The following ADGRB3 variants were observed in gnomAD, a reference collection of about 807,000 sequenced individuals.
The protein encoded by ADGRB3 is brain-specific angiogenesis inhibitor 3.
ADGRB3 carries 37 observed loss-of-function variants against 193.4 expected under a neutral mutation model. The ratio of observed to expected loss-of-function variants is 0.19; its 90% CI spans 0.15 to 0.25. The LOEUF is 0.25. Ranked by LOEUF, ADGRB3 falls within the 10% of genes least tolerant of loss-of-function variation. The probability of loss-of-function intolerance (pLI) is 1.00; values close to 1 mark genes in which losing one functional copy is unlikely to be tolerated. For missense variants in ADGRB3, 1,637 were observed against 1,852.9 expected (o/e 0.88, Z 2.14); for synonymous variants, 690 against 644.2 (o/e 1.07, Z -1.08).
At chr6:68,946,976 T>G (rs1767790774) in intron 6 of ADGRB3, among the ~76,000 whole-genome samples, 1 of 152,108 alleles carries the variant, frequency 6.6e-6, no homozygotes, top group African/African-American at 2.4e-5. Context: ...CTCCCACTTC[T>G]TTTGAGGTGA....
intron 5 of ADGRB3, among the ~76,000 whole-genome samples, chr6:68,941,290 T>C (rs964431595): frequency 2.0e-5 from 3 of 152,302 alleles, no homozygotes; most frequent in Middle Eastern, 3.4e-3. Flanking sequence ...AATTTTCTAC[T>C]AACTCAATAG....
chr6:69,315,548 G>A (rs1369442053), intron 20 of ADGRB3, among the ~76,000 whole-genome samples: 1 of 151,336 alleles, frequency 6.6e-6, no homozygotes, highest in Non-Finnish European at 1.5e-5. Flanking sequence ...TAGTCTGCAA[G>A]AACTGTGGTC....
chr6:68,674,530 A>C (rs892856043), intron 3 of ADGRB3, among the ~76,000 whole-genome samples: 1 of 152,194 alleles, frequency 6.6e-6, no homozygotes, highest in African/African-American at 2.4e-5. Flanking sequence ...TACAAAGGAA[A>C]TGTTAGAAGA....
intron 26 of ADGRB3, among the ~76,000 whole-genome samples, chr6:69,345,721 T>C (rs954058502): frequency 2.6e-5 from 4 of 151,976 alleles, no homozygotes; most frequent in African/African-American, 9.7e-5. Flanking sequence ...CTCTCACCAC[T>C]CCTATTCAAC....
At chr6:68,794,049 A>C (rs936641846) in intron 3 of ADGRB3, among the ~76,000 whole-genome samples, 1 of 152,152 alleles carries the variant, frequency 6.6e-6, no homozygotes, top group African/African-American at 2.4e-5. Context: ...AAATGTTAAA[A>C]ATTTCCTGTG....
chr6:68,847,956 G>A (rs1464395155), intron 3 of ADGRB3, among the ~76,000 whole-genome samples: 1 of 150,982 alleles, frequency 6.6e-6, no homozygotes, highest in Non-Finnish European at 1.5e-5. Context: ...TATCAACTAA[G>A]TACAAATTTA....
intron 20 of ADGRB3, among the ~76,000 whole-genome samples, chr6:69,258,136 A>G (rs539925013): frequency 2.6e-5 from 4 of 152,358 alleles, no homozygotes; most frequent in African/African-American, 9.6e-5. Flanking sequence ...ATGAAATGGT[A>G]TTCGCAGAGA....
chr6:68,954,085 A>C (rs1318446103), intron 6 of ADGRB3, among the ~76,000 whole-genome samples: 1 of 152,170 alleles, frequency 6.6e-6, no homozygotes, highest in Non-Finnish European at 1.5e-5. Context: ...TGCCTTTGTC[A>C]ATGCTGACTT....
intron 26 of ADGRB3, among the ~76,000 whole-genome samples, chr6:69,348,258 T>C (rs922986929): frequency 2.0e-5 from 3 of 152,046 alleles, no homozygotes; most frequent in African/African-American, 4.8e-5. Context: ...ATCAAACCAT[T>C]GCTTGCTGTT....
intron 20 of ADGRB3, among the ~76,000 whole-genome samples, chr6:69,265,210 G>A (rs1767013394): frequency 6.6e-6 from 1 of 151,892 alleles, no homozygotes; most frequent in Non-Finnish European, 1.5e-5. Context: ...GTGAGTTCAG[G>A]GAACCAGAGT....
chr6:68,776,751 A>T (rs867298602), intron 3 of ADGRB3, among the ~76,000 whole-genome samples: 1 of 152,214 alleles, frequency 6.6e-6, no homozygotes, highest in Non-Finnish European at 1.5e-5. Context: ...ATTGCAGATT[A>T]TAGTGGGTAT....
chr6:69,285,463 G>T (rs1767527856), intron 20 of ADGRB3, among the ~76,000 whole-genome samples: 1 of 152,024 alleles, frequency 6.6e-6, no homozygotes, highest in East Asian at 1.9e-4. Flanking sequence ...GGAGGATCAG[G>T]AGTTCGAGAC....
intron 20 of ADGRB3, among the ~76,000 whole-genome samples, chr6:69,304,423 A>G (rs1432838128): frequency 2.0e-5 from 3 of 151,578 alleles, no homozygotes; most frequent in Non-Finnish European, 2.9e-5. Context: ...TTTCCTGTAT[A>G]TTTCTCAAAG....
At chr6:69,241,019 G>A (rs1214366295) in intron 20 of ADGRB3, among the ~76,000 whole-genome samples, 2 of 150,072 alleles carry the variant, frequency 1.3e-5, no homozygotes, top group African/African-American at 4.9e-5. Context: ...ACACTCTTGA[G>A]TTATACCTCC....
chr6:68,644,121 A>G (rs543785797), intron 3 of ADGRB3, among the ~76,000 whole-genome samples: 4 of 152,228 alleles, frequency 2.6e-5, no homozygotes, highest in African/African-American at 9.6e-5. Context: ...AAAAAAACTC[A>G]ATAGGAAAGA....
intron 17 of ADGRB3, among the ~76,000 whole-genome samples, chr6:69,098,037 T>G (rs1455317370): frequency 6.6e-6 from 1 of 152,230 alleles, no homozygotes; most frequent in African/African-American, 2.4e-5. Flanking sequence ...GAATGATTTC[T>G]GACAAACTGC....
intron 3 of ADGRB3, among the ~76,000 whole-genome samples, chr6:68,853,012 G>A (rs1005640891): frequency 6.6e-6 from 1 of 152,004 alleles, no homozygotes; most frequent in Non-Finnish European, 1.5e-5. Flanking sequence ...AATGTCCTCA[G>A]TGCAGACTTG....
At chr6:68,668,764 T>C (rs2585621) in intron 3 of ADGRB3, among the ~76,000 whole-genome samples, 93,189 of 151,606 alleles carry the variant, frequency 0.61, 29,375 homozygotes, top group African/African-American at 0.74. Flanking sequence ...AGCTATTACC[T>C]TTACTAGAAC....
At position 69,177,536 on chromosome 6, in the gene ADGRB3, C is replaced by T. The variant is rs866946325; in HGVS notation, c.2481-55754C>T. Among the ~76,000 whole-genome samples the T allele has an allele frequency of 2.2e-4, 33 of 152,016 alleles. 1 individual carries two copies. The highest frequency in any genetic ancestry group is 5.1e-4 in the African/African-American group (21 of 41,466). On this transcript the variant is annotated intron_variant, in intron 17 of 31. Transcript: ENST00000370598. ...CATGCCTGGCTAATGTTTGTAGAGACGGGGTTTTACCCTGTCAGCCAGGAT... is the reference window on the plus strand; with the variant it reads ...CATGCCTGGCTAATGTTTGTAGAGATGGGGTTTTACCCTGTCAGCCAGGAT...
Sources: gnomAD v4.1 joint callset for allele counts (sites outside exome capture counted in the v4.1 genomes callset) on GRCh38, gnomAD v4.1.1 for gene constraint, MANE v1.5 for transcripts, NCBI Gene and HGNC (gene_info 2026-07-23, HGNC 2026-07-21) for gene names.